EPS15L1: variants seen among roughly 807,000 people sequenced by gnomAD.
EPS15L1 encodes epidermal growth factor receptor pathway substrate 15 like 1.
In EPS15L1, 43 loss-of-function variants were observed where a neutral mutation model predicts 117.1. The ratio of observed to expected loss-of-function variants is 0.37; its 90% CI spans 0.29 to 0.47. The LOEUF (loss-of-function observed/expected upper bound fraction) is 0.47, where lower values mean the gene tolerates loss of function less well. Among genes scored for constraint, EPS15L1 ranks in the 20% least tolerant of loss-of-function variants. EPS15L1 has a pLI of 0.99. For missense variants in EPS15L1, 981 were observed against 1,164.0 expected, an observed-to-expected ratio of 0.84 and a Z score of 2.29; for synonymous variants, 459 against 470.5, an observed-to-expected ratio of 0.98 and a Z score of 0.32.
At chr19:16,437,387 C>G (rs556662552) in intron 5 of EPS15L1, among the ~76,000 whole-genome samples, 1 of 152,184 alleles carries the variant, frequency 6.6e-6, no homozygotes, top group Non-Finnish European at 1.5e-5. Flanking sequence ...AGGCCAGACA[C>G]AAAAGACCAT....
rs369675832 is a variant in EPS15L1 at position 16,395,424 on chromosome 19, G to A, written c.1835C>T (p.Thr612Met). ...KNKALLFSNN[T>M]QELHPDPFQT... is the part of the protein sequence containing the mutation. ...GAAAGGATCCGGATGCAACTCTTGC[G>A]TGTTGTTGCTAAATAACAAGGCTTT... is the stretch of plus-strand genomic sequence containing the variant. The change falls in exon 17 of 24, where the codon ACG (threonine) becomes ATG (methionine). Residue 612 changes from threonine to methionine, a missense_variant. By Grantham distance (81) the Thr-to-Met change is moderately conservative. Coordinates refer to ENST00000455140, the MANE Select transcript of EPS15L1 (RefSeq NM_001258374.3). The A allele has an allele frequency of 1.2e-4, 187 of 1,613,380 alleles. No homozygotes were observed. Among genetic ancestry groups the A allele is most frequent in the Non-Finnish European group, 1.5e-4 (174 of 1,179,476 alleles).
intron 1 of EPS15L1, among the ~76,000 whole-genome samples, chr19:16,452,054 G>A (rs1342366883): frequency 4.0e-5 from 6 of 150,594 alleles, no homozygotes; most frequent in African/African-American, 7.3e-5. Context: ...CAGGAGAAAT[G>A]CTTAAACCCA....
At chr19:16,360,489 C>G (rs2092036502) in intron 23 of EPS15L1, among the ~76,000 whole-genome samples, 1 of 151,936 alleles carries the variant, frequency 6.6e-6, no homozygotes, top group Admixed American at 6.6e-5. Context: ...GGGCCAGTCA[C>G]GTGTAACCCC....
chr19:16,362,377 TAA>T (rs369551491), intron 22 of EPS15L1, among the ~76,000 whole-genome samples: 25 of 137,116 alleles, frequency 1.8e-4, no homozygotes, highest in Admixed American at 4.4e-4. Context: ...CTTCTAACAG[TAA>T]AAAAAAAAAA....
At position 16,365,420 on chromosome 19, in the gene EPS15L1, G is replaced by A. The variant is rs2092120426; in HGVS notation, c.2381-3436C>T. Among the ~76,000 whole-genome samples, 1 of 152,232 alleles carries A rather than the reference G, an allele frequency of 6.6e-6. No homozygotes were observed. Among genetic ancestry groups the A allele is most frequent in the African/African-American group, 2.4e-5 (1 of 41,460 alleles). ...AGGACACAGATCTACACACAGAACA[G>A]CAATGTGAAGATGCACCAGGCCAAG... On this transcript the variant is annotated intron_variant, in intron 22 of 23. Coordinates refer to ENST00000455140, the MANE Select transcript of EPS15L1 (RefSeq NM_001258374.3). The surrounding 1 kb of genome is among the most constrained non-coding windows in gnomAD (Gnocchi z 4.9).
chr19:16,454,658 C>T (rs1486204300), intron 1 of EPS15L1, among the ~76,000 whole-genome samples: 2 of 152,160 alleles, frequency 1.3e-5, no homozygotes, highest in Non-Finnish European at 2.9e-5. Flanking sequence ...TACAGTGGGG[C>T]ATGGCACAGG....
At position 16,402,453 on chromosome 19, in the gene EPS15L1, G is replaced by T; in HGVS notation, c.1659C>A (p.Ser553Arg). The change falls in exon 16 of 24, where the codon AGC becomes AGA. Residue 553 changes from serine to arginine, a missense_variant. This residue lies in a region of EPS15L1 where 819 missense variants were observed against 949.0 expected (regional missense o/e 0.86). Coordinates refer to ENST00000455140, the MANE Select transcript of EPS15L1 (RefSeq NM_001258374.3). ...CCAGGCTCCTGTGGGCCTCCTGGCG[G>T]CTTTCATGCAGCTGGGAAAGTTTGC... ...ARSKLSQLHE[S>R]RQEAHRSLEQ... 1 of 1,609,482 alleles carries T rather than the reference G, an allele frequency of 6.2e-7. No homozygotes were observed. The highest frequency in any genetic ancestry group is 2.2e-5 in the East Asian group (1 of 44,768).
intron 7 of EPS15L1, among the ~76,000 whole-genome samples, chr19:16,433,209 T>A (rs2092946577): frequency 6.6e-6 from 1 of 151,850 alleles, no homozygotes; most frequent in Non-Finnish European, 1.5e-5. Flanking sequence ...CTCACTGCAA[T>A]CTCCACCTCC....
chr19:16,471,946 C>T lies in EPS15L1; in HGVS notation c.-1G>A, dbSNP rs776433713. 1.8e-5 allele frequency: 23 copies of T among 1,288,518 alleles called. No individual in the cohort carries two copies. In the South Asian group the frequency reaches 1.9e-4, roughly 11 times the overall value. The allele number at this position is 1,288,518 out of a possible 1,614,324, so 79.8% of individuals were successfully genotyped here. On this transcript the variant is annotated 5_prime_UTR_variant, in exon 1 of 24. Transcript: ENST00000455140. This position sits in a 1 kb window ranked among gnomAD's most constrained non-coding sequence, Gnocchi z 4.8. ...AGAGGGGGATGAGCGGCGCCGCCAT[C>T]TTCCCGCGGACTCGGGCTCCGAGCG...
intron 8 of EPS15L1, 58 bp from the exon 9 acceptor site, chr19:16,425,374 GAGAAGGC>G (rs1266692420): frequency 8.1e-7 from 1 of 1,237,814 alleles, no homozygotes; most frequent in East Asian, 2.5e-5. Flanking sequence ...GGACCATCAG[GAGAAGGC>G]AGAGGGCAGC....
intron 10 of EPS15L1, among the ~76,000 whole-genome samples, chr19:16,420,032 C>T (rs777213411): frequency 6.6e-6 from 1 of 152,224 alleles, no homozygotes; most frequent in Non-Finnish European, 1.5e-5. Context: ...TGGCAGCCAT[C>T]GCAGGGAAAA....
intron 1 of EPS15L1, among the ~76,000 whole-genome samples, chr19:16,447,587 C>T (rs2093096665): frequency 6.6e-6 from 1 of 151,874 alleles, no homozygotes; most frequent in South Asian, 2.1e-4. Context: ...TGATGAAACC[C>T]CATCACTACT....
chr19:16,425,272 G>A lies in EPS15L1; in HGVS notation c.603C>T (p.Pro201=). Residue 201 remains proline, a synonymous_variant, in exon 9 of 24, where the codon CCC becomes CCT. Transcript: ENST00000455140. The part of the protein sequence containing the change: ...VYRALEKEPV[P]SALPPSLIPP... ...GGATGAGGGACGGGGGCAGGGCGGA[G>A]GGCACGGGCTCCTTCTCCAGGGCTC... is the stretch of plus-strand genomic sequence containing the variant. The A allele has an allele frequency of 6.2e-7, 1 of 1,608,132 alleles. No individual in the cohort carries two copies. Among genetic ancestry groups the A allele is most frequent in the African/African-American group, 1.3e-5 (1 of 74,992 alleles).
At chr19:16,421,270 G>T in intron 10 of EPS15L1, 49 bp downstream of exon 10, 1 of 1,564,600 alleles carries the variant, frequency 6.4e-7, no homozygotes. Flanking sequence ...TTCACCCACA[G>T]GCCCCCTGGA....
At position 16,371,659 on chromosome 19, in the gene EPS15L1, C is replaced by T. The variant is rs145367427; in HGVS notation, c.2380+5463G>A. Among the ~76,000 whole-genome samples the T allele has an allele frequency of 1.3e-5, 2 of 152,158 alleles. No individual in the cohort carries two copies. The highest frequency in any genetic ancestry group is 2.4e-5 in the African/African-American group (1 of 41,438). ...GCAGGCAGGAACCGCAACGCAGGGC[C>T]GCGCTGGCAGGAAGTGGCAAGGGTG... is the stretch of plus-strand genomic sequence containing the variant. On this transcript the variant is annotated intron_variant, in intron 22 of 23. Coordinates refer to ENST00000455140, the MANE Select transcript of EPS15L1 (RefSeq NM_001258374.3). This position sits in a 1 kb window ranked among gnomAD's most constrained non-coding sequence, Gnocchi z 4.7.
intron 19 of EPS15L1, 82 bp from the exon 20 acceptor site, chr19:16,386,313 C>T (rs1026345976): frequency 1.1e-5 from 12 of 1,057,112 alleles, no homozygotes; most frequent in Admixed American, 7.6e-5. Context: ...TTCCTGACGT[C>T]GATGTACAAC....
intron 12 of EPS15L1, among the ~76,000 whole-genome samples, chr19:16,414,737 T>C (rs2092741743): frequency 6.7e-6 from 1 of 148,528 alleles, no homozygotes; most frequent in Non-Finnish European, 1.5e-5. Context: ...TGAGACAGGC[T>C]CTTGCTCTGT....
At chr19:16,379,353 A>C (rs543236672) in intron 21 of EPS15L1, among the ~76,000 whole-genome samples, 1 of 152,184 alleles carries the variant, frequency 6.6e-6, no homozygotes, top group African/African-American at 2.4e-5. Flanking sequence ...AAGAGCATAG[A>C]AGAGAAAGAT....
chr19:16,409,285 T>C (rs780644591), intron 13 of EPS15L1, among the ~76,000 whole-genome samples: 2 of 152,166 alleles, frequency 1.3e-5, no homozygotes, highest in Non-Finnish European at 2.9e-5. Context: ...GACAACTAGA[T>C]GTCCACATGC....
Sources: gnomAD v4.1 joint callset for allele counts (sites outside exome capture counted in the v4.1 genomes callset) on GRCh38, gnomAD v4.1.1 for gene constraint, gnomAD v4.1.1 regional missense constraint, Gnocchi (gnomAD v3.1) non-coding constraint, MANE v1.5 for transcripts, NCBI Gene and HGNC (gene_info 2026-07-23, HGNC 2026-07-21) for gene names.